NGEF: variants seen among roughly 807,000 people sequenced by gnomAD.
NGEF encodes ephexin-1.
Under a neutral mutation model 80.9 loss-of-function variants are expected in NGEF, and 31 were observed. The ratio of observed to expected loss-of-function variants is 0.38; its 90% CI spans 0.29 to 0.52. The LOEUF (loss-of-function observed/expected upper bound fraction) is 0.52, where lower values mean the gene tolerates loss of function less well. Ranked by LOEUF, NGEF falls within the 20% of genes least tolerant of loss-of-function variation. The probability of loss-of-function intolerance (pLI) is 0.84; values close to 1 mark genes in which losing one functional copy is unlikely to be tolerated. For synonymous variants in NGEF, 371 were observed against 370.2 expected, an observed-to-expected ratio of 1.00 and a Z score of -0.03; for missense variants, 709 against 926.2, an observed-to-expected ratio of 0.77 and a Z score of 3.04.
chr2:232,954,795 A>C (rs1281631914), intron 3 of NGEF, among the ~76,000 whole-genome samples: 1 of 151,688 alleles, frequency 6.6e-6, no homozygotes, highest in African/African-American at 2.4e-5. Context: ...GAAGGGTGGC[A>C]GGTTGAGGAA....
At chr2:232,969,231 T>C (rs1246420502) in intron 3 of NGEF, among the ~76,000 whole-genome samples, 2 of 152,050 alleles carry the variant, frequency 1.3e-5, no homozygotes, top group African/African-American at 4.8e-5. Context: ...AAAAAAAGAC[T>C]TGAAGCACAT....
intron 6 of NGEF, among the ~76,000 whole-genome samples, chr2:232,893,847 A>C (rs1414796131): frequency 2.0e-5 from 3 of 152,226 alleles, no homozygotes; most frequent in Admixed American, 1.3e-4. Context: ...CCAGTCAGCC[A>C]TCACCTCCCA....
chr2:232,905,635 G>C (rs1421133125), intron 5 of NGEF: 2 of 351,332 alleles, frequency 5.7e-6, no homozygotes. Context: ...CTGCCCGGCC[G>C]CCATCCCACC....
At chr2:232,956,757 T>G (rs1225735060) in intron 3 of NGEF, among the ~76,000 whole-genome samples, 1 of 127,236 alleles carries the variant, frequency 7.9e-6, no homozygotes, top group Middle Eastern at 5.4e-3. Context: ...CACTCCAGTC[T>G]GGGCGACAGA....
chr2:232,942,904 CT>C (rs60735452), intron 3 of NGEF, among the ~76,000 whole-genome samples: 23,855 of 117,656 alleles, frequency 0.2, 2,388 homozygotes, highest in East Asian at 0.36. Flanking sequence ...AGTGAAATTT[CT>C]TTTTTTTTTT....
intron 1 of NGEF, among the ~76,000 whole-genome samples, chr2:232,984,811 G>T (rs1163810555): frequency 6.6e-6 from 1 of 152,188 alleles, no homozygotes; most frequent in Non-Finnish European, 1.5e-5. Context: ...CAAAAAAGCT[G>T]CGGATGATGG....
intron 1 of NGEF, among the ~76,000 whole-genome samples, chr2:232,975,368 G>A (rs1574648094): frequency 1.3e-5 from 2 of 152,182 alleles, no homozygotes; most frequent in East Asian, 3.8e-4. Flanking sequence ...GTTGTGGGCT[G>A]GTGCAAGGTC....
chr2:232,896,038 C>T (rs749124041), intron 5 of NGEF, among the ~76,000 whole-genome samples: 48 of 91,384 alleles, frequency 5.3e-4, no homozygotes, highest in Non-Finnish European at 1.4e-4. Context: ...TCCTCTTCCC[C>T]GTCACCCTCT....
intron 8 of NGEF, among the ~76,000 whole-genome samples, chr2:232,890,105 G>C (rs2106226436): frequency 6.7e-6 from 1 of 149,856 alleles, no homozygotes; most frequent in East Asian, 2.0e-4. Flanking sequence ...GGGTTGTCAG[G>C]CAAAGGGGGT....
chr2:232,967,212 C>T (rs1559227882), intron 3 of NGEF, among the ~76,000 whole-genome samples: 1 of 152,188 alleles, frequency 6.6e-6, no homozygotes, highest in Non-Finnish European at 1.5e-5. Context: ...CCATGTGAGA[C>T]ACCTGCTCTC....
At chr2:233,011,443 G>A (rs996118086) in intron 1 of NGEF, among the ~76,000 whole-genome samples, 3 of 152,096 alleles carry the variant, frequency 2.0e-5, no homozygotes, top group Non-Finnish European at 4.4e-5. Flanking sequence ...AGCAGCTCCT[G>A]CGCCCCTGGT....
chr2:232,920,295 TA>T lies in NGEF; in HGVS notation c.816del (p.Lys273SerfsTer20). ...GVLEILQPEE[I>X]KLQEAMFELV... ...TCGGCGCCTGTTACCTCCTGCAGCT[TA>T]ATCTCCTCGGGCTGTAGGATCTCAA... On this transcript the variant is annotated frameshift_variant, in exon 5 of 15. Coordinates refer to ENST00000264051, the MANE Select transcript of NGEF (RefSeq NM_019850.3). LOFTEE classifies it high-confidence loss of function. 1 of 1,613,142 alleles carries T rather than the reference TA, an allele frequency of 6.2e-7. No homozygotes were observed. The highest frequency in any genetic ancestry group is 8.5e-7 in the Non-Finnish European group (1 of 1,179,596).
intron 8 of NGEF, among the ~76,000 whole-genome samples, chr2:232,890,691 A>G (rs1358849199): frequency 1.3e-5 from 2 of 151,936 alleles, no homozygotes; most frequent in Non-Finnish European, 2.9e-5. Flanking sequence ...CAATTCCCTG[A>G]CATCCCTGCC....
At chr2:232,903,916 G>A (rs938348563) in intron 5 of NGEF, among the ~76,000 whole-genome samples, 4 of 152,072 alleles carry the variant, frequency 2.6e-5, no homozygotes, top group South Asian at 2.1e-4. Context: ...AAGTAAACAC[G>A]CTTAAGTTGT....
chr2:232,897,482 G>C (rs966107147), intron 5 of NGEF, among the ~76,000 whole-genome samples: 1 of 152,152 alleles, frequency 6.6e-6, no homozygotes, highest in Non-Finnish European at 1.5e-5. Context: ...CTCCCAGGTA[G>C]CGCAGGGGTT....
At chr2:232,886,177 T>A (rs559001709) in intron 9 of NGEF, among the ~76,000 whole-genome samples, 10 of 151,902 alleles carry the variant, frequency 6.6e-5, no homozygotes, top group African/African-American at 2.2e-4. Flanking sequence ...GTGTGTGATA[T>A]GTATGTGCCA....
chr2:232,967,738 C>T (rs1213756254), intron 3 of NGEF, among the ~76,000 whole-genome samples: 6 of 129,672 alleles, frequency 4.6e-5, no homozygotes, highest in Non-Finnish European at 1.0e-4. Flanking sequence ...TGTGTGTGAT[C>T]AAGGATCAAT....
chr2:232,910,534 G>A (rs1383820043), intron 5 of NGEF, among the ~76,000 whole-genome samples: 2 of 152,182 alleles, frequency 1.3e-5, no homozygotes, highest in Admixed American at 1.3e-4. Flanking sequence ...CTGCAACAAA[G>A]AATTGTCCAG....
intron 3 of NGEF, among the ~76,000 whole-genome samples, chr2:232,968,687 G>A (rs746024001): frequency 1.3e-5 from 2 of 152,174 alleles, no homozygotes; most frequent in Non-Finnish European, 2.9e-5. Flanking sequence ...TTATAGGCAT[G>A]AGCCACTGCG....
Sources: gnomAD v4.1 joint callset for allele counts (sites outside exome capture counted in the v4.1 genomes callset) on GRCh38, gnomAD v4.1.1 for gene constraint, MANE v1.5 for transcripts, NCBI Gene and HGNC (gene_info 2026-07-23, HGNC 2026-07-21) for gene names.